Variants in ZFHX3 observed in about 807,000 individuals in gnomAD.
The protein encoded by ZFHX3 is zinc finger homeobox protein 3.
A neutral mutation model predicts 279.1 loss-of-function variants in ZFHX3; 42 were observed. That is an observed-to-expected ratio of 0.15 (90% confidence interval 0.12 to 0.19). ZFHX3 has a LOEUF of 0.19. Among genes scored for constraint, ZFHX3 ranks in the 10% least tolerant of loss-of-function variants. The pLI, the probability that ZFHX3 is intolerant of heterozygous loss-of-function variation, is 1.00. For synonymous variants in ZFHX3, 2,293 were observed against 1,957.8 expected, an observed-to-expected ratio of 1.17 and a Z score of -4.52; for missense variants, 4,981 against 4,754.0, an observed-to-expected ratio of 1.05 and a Z score of -1.40.
chr16:73,849,346 A>T (rs532892246), intron 1 of ZFHX3, among the ~76,000 whole-genome samples: 1 of 152,298 alleles, frequency 6.6e-6, no homozygotes, highest in African/African-American at 2.4e-5. Flanking sequence ...ACTTCACTTC[A>T]TCTGAACTCA....
rs1415456110 is a variant in ZFHX3, at chr16:72,784,323, G to GAACTT, written c.*2836_*2840dup. On this transcript the variant is annotated 3_prime_UTR_variant, in exon 10 of 10. Transcript: ENST00000268489. ...GGGGGCAGCAAAATTATAAAGAAAA[G>GAACTT]AACTTAAAAGTTGAGGGGGGAGGGA... 2.7e-5 allele frequency: 4 copies of GAACTT among 149,514 alleles called. No homozygotes were observed. Among genetic ancestry groups the GAACTT allele is most frequent in the East Asian group, 3.9e-4 (2 of 5,088 alleles). The allele number at this position is 149,514 out of a possible 1,614,324, so 9.3% of individuals were successfully genotyped here.
At chr16:73,682,513 C>T (rs1029900047) in intron 1 of ZFHX3, among the ~76,000 whole-genome samples, 4 of 151,998 alleles carry the variant, frequency 2.6e-5, no homozygotes, top group South Asian at 2.1e-4. Context: ...AGGCCGGGTG[C>T]GGTGGCTCAC....
chr16:73,138,675 A>G (rs1188806456), intron 6 of ZFHX3, among the ~76,000 whole-genome samples: 2 of 151,656 alleles, frequency 1.3e-5, no homozygotes, highest in Admixed American at 1.3e-4. Flanking sequence ...ATTGCCCCCT[A>G]CTTCTTTTTT....
intron 1 of ZFHX3, among the ~76,000 whole-genome samples, chr16:73,756,996 G>A (rs556595902): frequency 2.2e-4 from 33 of 152,148 alleles, no homozygotes; most frequent in Non-Finnish European, 4.1e-4. Flanking sequence ...AAGAGTGCAA[G>A]AGGGAATGCA....
At chr16:72,835,654 C>T (rs563309151) in intron 4 of ZFHX3, among the ~76,000 whole-genome samples, 3 of 152,006 alleles carry the variant, frequency 2.0e-5, no homozygotes, top group East Asian at 1.9e-4. Context: ...AAGACTGACA[C>T]GGAGGATGGC....
At chr16:73,445,298 A>ATGTGTG (rs1357671063) in intron 3 of ZFHX3, among the ~76,000 whole-genome samples, 7 of 47,050 alleles carry the variant, frequency 1.5e-4, no homozygotes, top group Non-Finnish European at 3.9e-4. Context: ...ATATATGTAT[A>ATGTGTG]TGTATGTGTG....
chr16:73,769,082 T>A (rs890536799), intron 1 of ZFHX3, among the ~76,000 whole-genome samples: 1 of 152,172 alleles, frequency 6.6e-6, no homozygotes, highest in Non-Finnish European at 1.5e-5. Context: ...CTGGGCATCC[T>A]GTATTTTTAC....
At chr16:73,798,730 G>T (rs928836075) in intron 1 of ZFHX3, among the ~76,000 whole-genome samples, 5 of 152,196 alleles carry the variant, frequency 3.3e-5, no homozygotes, top group African/African-American at 9.7e-5. Context: ...CGATTCAGCA[G>T]AAGCACAAGT....
upstream of ZFHX3, among the ~76,000 whole-genome samples, chr16:73,063,191 G>A (rs1304405261): frequency 1.3e-5 from 2 of 152,222 alleles, no homozygotes; most frequent in African/African-American, 4.8e-5. Flanking sequence ...CGCGCGGGGA[G>A]GAAAGGGTTA....
At chr16:72,822,402 C>A (rs916508436) in intron 5 of ZFHX3, among the ~76,000 whole-genome samples, 5 of 152,206 alleles carry the variant, frequency 3.3e-5, no homozygotes, top group African/African-American at 1.2e-4. Flanking sequence ...TTGACTGCAA[C>A]TCTGACACCC....
chr16:73,889,416 A>T (rs776621370), intron 1 of ZFHX3, among the ~76,000 whole-genome samples: 1 of 152,200 alleles, frequency 6.6e-6, no homozygotes, highest in Non-Finnish European at 1.5e-5. Flanking sequence ...AGCTGCCTTC[A>T]TCTGGGAAGG....
intron 1 of ZFHX3, among the ~76,000 whole-genome samples, chr16:73,029,781 C>G (rs1199002008): frequency 6.6e-6 from 1 of 152,166 alleles, no homozygotes; most frequent in Non-Finnish European, 1.5e-5. Flanking sequence ...ATGCCAACGA[C>G]AGAGAGGCTG....
At chr16:73,497,313 G>T (rs1326447767) in intron 2 of ZFHX3, among the ~76,000 whole-genome samples, 1 of 152,136 alleles carries the variant, frequency 6.6e-6, no homozygotes, top group African/African-American at 2.4e-5. Flanking sequence ...AACCACCAAA[G>T]ATTACACAAT....
intron 5 of ZFHX3, among the ~76,000 whole-genome samples, chr16:73,195,293 G>A (rs895381969): frequency 6.6e-6 from 1 of 151,744 alleles, no homozygotes; most frequent in Non-Finnish European, 1.5e-5. Flanking sequence ...AGGAAAAACT[G>A]ATTTTTTCCG....
At chr16:73,055,941 T>C (rs1046683553) in intron 1 of ZFHX3, among the ~76,000 whole-genome samples, 5 of 152,104 alleles carry the variant, frequency 3.3e-5, no homozygotes, top group African/African-American at 1.2e-4. Context: ...TCGCCTCCTC[T>C]CTGGACCGGA....
intron 5 of ZFHX3, among the ~76,000 whole-genome samples, chr16:73,254,462 A>AGTC (rs1450775309): frequency 6.6e-6 from 1 of 151,982 alleles, no homozygotes; most frequent in Non-Finnish European, 1.5e-5. Flanking sequence ...TGAAAAGTGT[A>AGTC]GTCAGTGAGG....
chr16:73,056,640 A>G (rs781269276), intron 1 of ZFHX3, among the ~76,000 whole-genome samples: 4 of 152,228 alleles, frequency 2.6e-5, no homozygotes, highest in Non-Finnish European at 4.4e-5. Flanking sequence ...AGGGCAGGGC[A>G]GTAAATTCTG....
chr16:73,682,884 A>AAG (rs779865818), intron 1 of ZFHX3, among the ~76,000 whole-genome samples: 2 of 29,512 alleles, frequency 6.8e-5, no homozygotes, highest in African/African-American at 2.1e-4. Flanking sequence ...GAAAGAAAGA[A>AAG]AGAAAGAAAG....
chr16:73,249,015 G>A (rs2013398287), intron 5 of ZFHX3, among the ~76,000 whole-genome samples: 1 of 152,296 alleles, frequency 6.6e-6, no homozygotes, highest in East Asian at 1.9e-4. Context: ...TGTGCTCAGT[G>A]TTTTGTTCTT....
Sources: allele counts gnomAD v4.1 joint callset (sites outside exome capture counted in the v4.1 genomes callset), GRCh38; gene constraint gnomAD v4.1.1; transcripts MANE v1.5; gene names NCBI Gene and HGNC (gene_info 2026-07-23, HGNC 2026-07-21).